The following GALNT18 variants were observed in gnomAD, a reference collection of about 807,000 sequenced individuals.
The protein encoded by GALNT18 is polypeptide N-acetylgalactosaminyltransferase 18, also known as GalNAc-transferase 18.
Under a neutral mutation model 69.5 loss-of-function variants are expected in GALNT18, and 44 were observed. The observed-to-expected ratio is 0.63, with a 90% CI of 0.50 to 0.81. The LOEUF is 0.81. GALNT18 is among the 40% of genes least tolerant of loss of function. GALNT18 has a pLI of 0.00. For synonymous variants in GALNT18, 364 were observed against 318.2 expected, an observed-to-expected ratio of 1.14 and a Z score of -1.53; for missense variants, 715 against 810.0, an observed-to-expected ratio of 0.88 and a Z score of 1.42.
At chr11:11,419,473 T>C (rs971030968) in intron 3 of GALNT18, among the ~76,000 whole-genome samples, 9 of 151,496 alleles carry the variant, frequency 5.9e-5, no homozygotes, top group Non-Finnish European at 7.4e-5. Flanking sequence ...AGCGCACGCC[T>C]GTAATCCCAG....
At chr11:11,279,944 G>A (rs1849033772) in intron 10 of GALNT18, among the ~76,000 whole-genome samples, 1 of 152,194 alleles carries the variant, frequency 6.6e-6, no homozygotes. Context: ...AAGGGACTTT[G>A]AGTCACAGAT....
chr11:11,559,810 T>G (rs199651015), intron 1 of GALNT18, among the ~76,000 whole-genome samples: 104 of 9,774 alleles, frequency 0.011, 3 homozygotes, highest in Non-Finnish European at 2.1e-3. Flanking sequence ...GAATGAGATA[T>G]GATCAGGTGG....
intron 9 of GALNT18, among the ~76,000 whole-genome samples, chr11:11,326,041 C>CTTTTTTT: frequency 9.5e-6 from 1 of 105,424 alleles, no homozygotes; most frequent in Non-Finnish European, 1.9e-5. Flanking sequence ...TGCTAAATAT[C>CTTTTTTT]TTTTTTTTTT....
chr11:11,338,295 G>A lies in GALNT18; in HGVS notation c.1278+2524C>T, dbSNP rs1850147810. Among the ~76,000 whole-genome samples, 1 of 152,112 alleles carries A rather than the reference G, an allele frequency of 6.6e-6. No individual in the cohort carries two copies. The stretch of plus-strand genomic sequence containing the variant: ...ATTTAAAGATTTTAAGCAGGGCGAT[G>A]GCATGGTTGTTGTGAGTGTTTTAAA... On this transcript the variant is annotated intron_variant, in intron 7 of 10. Coordinates refer to ENST00000227756, the MANE Select transcript of GALNT18 (RefSeq NM_198516.3). This position sits in a 1 kb window ranked among gnomAD's most constrained non-coding sequence, Gnocchi z 5.3.
rs571137892 is a variant in GALNT18, at chr11:11,340,750, G to A, written c.1278+69C>T. On this transcript the variant is annotated intron_variant, in intron 7 of 10. Coordinates refer to ENST00000227756, the MANE Select transcript of GALNT18 (RefSeq NM_198516.3). This position sits in a 1 kb window ranked among gnomAD's most constrained non-coding sequence, Gnocchi z 4.2. Reference sequence around the variant, plus strand: ...GGCTGACCCATAGGAAGAAGGGTTCGGTCCCATATCTTGTTTTGTTTGTTT... The same window carrying A: ...GGCTGACCCATAGGAAGAAGGGTTCAGTCCCATATCTTGTTTTGTTTGTTT... The A allele has an allele frequency of 3.9e-5, 56 of 1,429,262 alleles. No individual in the cohort carries two copies. Among genetic ancestry groups the A allele is most frequent in the African/African-American group, 3.3e-4 (23 of 70,016 alleles). 88.5% of individuals were successfully genotyped at this position (1,429,262 alleles called of 1,614,324 possible).
chr11:11,292,121 G>A (rs570688706), intron 10 of GALNT18, among the ~76,000 whole-genome samples: 41 of 152,216 alleles, frequency 2.7e-4, no homozygotes, highest in African/African-American at 8.7e-4. Flanking sequence ...GTTCCCTCCC[G>A]AACTTCCCTG....
At chr11:11,330,069 C>T (rs1015870443) in intron 8 of GALNT18, among the ~76,000 whole-genome samples, 1 of 152,200 alleles carries the variant, frequency 6.6e-6, no homozygotes, top group African/African-American at 2.4e-5. Context: ...AATGCTACCC[C>T]ATCTCCTGGA....
chr11:11,475,503 A>T (rs1191765148), intron 1 of GALNT18: 1 of 152,200 alleles, frequency 6.6e-6, no homozygotes. Context: ...TGAGACCCCA[A>T]ATTGAGTTTT....
At chr11:11,521,359 C>T (rs1857395652) in intron 1 of GALNT18, among the ~76,000 whole-genome samples, 1 of 152,104 alleles carries the variant, frequency 6.6e-6, no homozygotes, top group Non-Finnish European at 1.5e-5. Flanking sequence ...GGTGTAAGCC[C>T]CACCTGCTAG....
chr11:11,352,856 C>G, intron 6 of GALNT18: 1 of 1,614,212 alleles, frequency 6.2e-7, no homozygotes, highest in Middle Eastern at 1.6e-4. Context: ...GACCTCCTCT[C>G]AAATTCTCCA....
Position 11,456,498 on chromosome 11 carries a change from C to T in GALNT18, c.236-7562G>A, listed in dbSNP as rs138323161. On this transcript the variant is annotated intron_variant, in intron 1 of 10. Coordinates refer to ENST00000227756, the MANE Select transcript of GALNT18 (RefSeq NM_198516.3). ...CTAAAATACCTCCAGGGCCCCCCTGCAACCCCAGGTGCTCTGGCCCTTTTC... is the reference window on the plus strand; with the variant it reads ...CTAAAATACCTCCAGGGCCCCCCTGTAACCCCAGGTGCTCTGGCCCTTTTC... 8.9e-4 allele frequency among the ~76,000 whole-genome samples: 135 copies of T among 152,350 alleles called. 1 individual carries two copies. In the East Asian group the frequency reaches 0.02, roughly 23 times the overall value.
At chr11:11,354,374 A>G (rs1402738623) in intron 6 of GALNT18, among the ~76,000 whole-genome samples, 1 of 152,194 alleles carries the variant, frequency 6.6e-6, no homozygotes, top group East Asian at 1.9e-4. Flanking sequence ...TGCCTTTTGG[A>G]AGACAGGAAG....
chr11:11,351,676 G>A (rs2403535), intron 6 of GALNT18, among the ~76,000 whole-genome samples: 137,627 of 152,062 alleles, frequency 0.91, 63,787 homozygotes, highest in East Asian at 1. Context: ...TTTTGAAATA[G>A]GATCTCTGGC....
At chr11:11,419,310 A>G (rs1364649805) in intron 3 of GALNT18, among the ~76,000 whole-genome samples, 2 of 152,150 alleles carry the variant, frequency 1.3e-5, no homozygotes, top group African/African-American at 4.8e-5. Flanking sequence ...GAAACCATGC[A>G]AAGTGGCCAG....
intron 3 of GALNT18, among the ~76,000 whole-genome samples, chr11:11,397,275 G>C (rs1854356057): frequency 6.6e-6 from 1 of 152,146 alleles, no homozygotes; most frequent in South Asian, 2.1e-4. Context: ...AGAGAGAAGG[G>C]GAGGCCAGGT....
At chr11:11,524,068 G>A (rs903079012) in intron 1 of GALNT18, among the ~76,000 whole-genome samples, 1 of 152,006 alleles carries the variant, frequency 6.6e-6, no homozygotes, top group Non-Finnish European at 1.5e-5. Flanking sequence ...AAATACTTGT[G>A]ACTGATGTAG....
At chr11:11,458,562 T>A (rs992383651) in intron 1 of GALNT18, among the ~76,000 whole-genome samples, 3 of 152,166 alleles carry the variant, frequency 2.0e-5, no homozygotes, top group Admixed American at 2.0e-4. Flanking sequence ...TCACCATTAT[T>A]CCCATTAAAA....
intron 1 of GALNT18, among the ~76,000 whole-genome samples, chr11:11,578,399 A>C (rs1234233436): frequency 6.6e-6 from 1 of 151,866 alleles, no homozygotes; most frequent in Non-Finnish European, 1.5e-5. Flanking sequence ...TGGTCCCCAA[A>C]ACACCCTTTT....
intron 1 of GALNT18, among the ~76,000 whole-genome samples, chr11:11,594,978 CA>C (rs1565032870): frequency 1.7e-5 from 2 of 120,376 alleles, no homozygotes; most frequent in East Asian, 4.1e-4. Flanking sequence ...ACAAAATATA[CA>C]TATGTGTGTG....
Sources: allele counts gnomAD v4.1 joint callset (sites outside exome capture counted in the v4.1 genomes callset), GRCh38; gene constraint gnomAD v4.1.1; non-coding constraint Gnocchi (gnomAD v3.1); transcripts MANE v1.5; gene names NCBI Gene and HGNC (gene_info 2026-07-23, HGNC 2026-07-21).